CNTNAP2: variants seen among roughly 807,000 people sequenced by gnomAD.
CNTNAP2 encodes contactin associated protein 2.
A neutral mutation model predicts 155.2 loss-of-function variants in CNTNAP2; 98 were observed. The ratio of observed to expected loss-of-function variants is 0.63; its 90% CI spans 0.54 to 0.75. The LOEUF (loss-of-function observed/expected upper bound fraction) is 0.75, where lower values mean the gene tolerates loss of function less well. CNTNAP2 is among the 30% of genes least tolerant of loss of function. The pLI, the probability that CNTNAP2 is intolerant of heterozygous loss-of-function variation, is 0.00. For synonymous variants in CNTNAP2, 651 were observed against 631.2 expected, an observed-to-expected ratio of 1.03 and a Z score of -0.47; for missense variants, 1,727 against 1,688.1, an observed-to-expected ratio of 1.02 and a Z score of -0.40.
intron 2 of CNTNAP2, among the ~76,000 whole-genome samples, chr7:146,777,903 A>AT (rs71165038): frequency 5.7e-4 from 86 of 150,152 alleles, no homozygotes; most frequent in Admixed American, 1.3e-3. Flanking sequence ...GAGAAAAGAG[A>AT]TTTTTTTTTT....
chr7:148,099,421 TTGTGTGTGTGTGTGTGTGTGTGTG>T (rs35957905), intron 15 of CNTNAP2, among the ~76,000 whole-genome samples: 9 of 140,966 alleles, frequency 6.4e-5, no homozygotes, highest in Non-Finnish European at 1.4e-4. Flanking sequence ...AGCATTGCAA[TTGTGTGTGTGTGTGTGTGTGTGTG>T]TGTGTGTGTG....
intron 1 of CNTNAP2, among the ~76,000 whole-genome samples, chr7:146,401,205 A>G (rs1795709104): frequency 6.6e-6 from 1 of 152,200 alleles, no homozygotes; most frequent in South Asian, 2.1e-4. Context: ...CCGCTCAGCT[A>G]ACAGCTAGAA....
chr7:147,655,167 G>C (rs1185146715), intron 13 of CNTNAP2, among the ~76,000 whole-genome samples: 3 of 150,930 alleles, frequency 2.0e-5, no homozygotes, highest in Non-Finnish European at 4.4e-5. Flanking sequence ...CTGTCACCCA[G>C]GCTGGAGTGC....
chr7:148,114,531 A>G (rs1352951661), intron 15 of CNTNAP2, among the ~76,000 whole-genome samples: 1 of 152,208 alleles, frequency 6.6e-6, no homozygotes, highest in Admixed American at 6.5e-5. Context: ...GTATCAACAA[A>G]CAATAATAAC....
chr7:147,338,940 C>T (rs1795709763), intron 9 of CNTNAP2, among the ~76,000 whole-genome samples: 1 of 151,908 alleles, frequency 6.6e-6, no homozygotes. Context: ...TTTTCATGTA[C>T]CATTTACTTA....
intron 1 of CNTNAP2, among the ~76,000 whole-genome samples, chr7:146,466,391 G>A (rs1308297142): frequency 5.3e-5 from 8 of 152,104 alleles, no homozygotes; most frequent in Non-Finnish European, 1.0e-4. Flanking sequence ...ACACAATTTC[G>A]TTACAGCAGG....
At position 146,985,308 on chromosome 7, in the gene CNTNAP2, A is replaced by ATTTTTTTTTT. The variant is rs71165057; in HGVS notation, c.403-58579_403-58570dup. On this transcript the variant is annotated intron_variant, in intron 3 of 23. Transcript: ENST00000361727. ...CAAAGTGCTTGTGGAAAATGCTTGA[A>ATTTTTTTTTT]TTTTTTTTTTTTTTTTTTTTTTTTT... is the stretch of plus-strand genomic sequence containing the variant. 1.2e-4 allele frequency among the ~76,000 whole-genome samples: 15 copies of ATTTTTTTTTT among 127,848 alleles called. 1 individual carries two copies. The highest frequency in any genetic ancestry group is 4.1e-4 in the African/African-American group (13 of 32,014). The allele number at this position is 127,848 out of a possible 152,430, so 83.9% of individuals were successfully genotyped here. A position where few individuals can be genotyped will look rare whatever the true frequency, so the allele number is the denominator to read the frequency against.
At chr7:147,805,446 G>A (rs1162031634) in intron 13 of CNTNAP2, among the ~76,000 whole-genome samples, 1 of 152,168 alleles carries the variant, frequency 6.6e-6, no homozygotes, top group African/African-American at 2.4e-5. Context: ...CTCTGACTAG[G>A]ACTTTAAGTA....
intron 10 of CNTNAP2, among the ~76,000 whole-genome samples, chr7:147,415,451 G>A (rs1797176289): frequency 2.0e-5 from 3 of 152,298 alleles, no homozygotes; most frequent in Admixed American, 1.3e-4. Context: ...GTTCTTGATA[G>A]TGAGCTCTCA....
At chr7:146,134,405 CT>C (rs1797765510) in intron 1 of CNTNAP2, among the ~76,000 whole-genome samples, 1 of 124,568 alleles carries the variant, frequency 8.0e-6, no homozygotes, top group South Asian at 2.7e-4. Context: ...CCTTTATTTC[CT>C]TCTCCTGCCT....
At chr7:147,732,403 A>G (rs62480748) in intron 13 of CNTNAP2, among the ~76,000 whole-genome samples, 13 of 152,180 alleles carry the variant, frequency 8.5e-5, no homozygotes, top group Middle Eastern at 3.4e-3. Flanking sequence ...TCCATGGTGT[A>G]TATGTGCCAC....
intron 22 of CNTNAP2, among the ~76,000 whole-genome samples, chr7:148,388,154 A>ATTATT (rs1332875702): frequency 2.0e-5 from 3 of 152,044 alleles, no homozygotes; most frequent in African/African-American, 7.2e-5. Flanking sequence ...TTTTTGTTTT[A>ATTATT]TTATTATACT....
chr7:148,103,993 A>C (rs1419880364), intron 15 of CNTNAP2, among the ~76,000 whole-genome samples: 1 of 152,162 alleles, frequency 6.6e-6, no homozygotes, highest in African/African-American at 2.4e-5. Context: ...GGTATTTCAA[A>C]ATGCTTCTGT....
chr7:147,559,864 TTA>T (rs1491368468), intron 11 of CNTNAP2, among the ~76,000 whole-genome samples: 1,603 of 111,494 alleles, frequency 0.014, 32 homozygotes, highest in African/African-American at 0.05. Flanking sequence ...CTTGCCGATC[TTA>T]AAAAAAAAAA....
chr7:147,747,788 T>G (rs1449815570), intron 13 of CNTNAP2, among the ~76,000 whole-genome samples: 9 of 152,232 alleles, frequency 5.9e-5, no homozygotes, highest in Non-Finnish European at 1.3e-4. Context: ...TCTTGTGTGA[T>G]TGACAACTTA....
At chr7:146,613,387 C>G (rs959167944) in intron 1 of CNTNAP2, among the ~76,000 whole-genome samples, 1 of 152,142 alleles carries the variant, frequency 6.6e-6, no homozygotes, top group Non-Finnish European at 1.5e-5. Flanking sequence ...ATTTATTCAT[C>G]ATACATAACA....
intron 9 of CNTNAP2, among the ~76,000 whole-genome samples, chr7:147,378,903 C>A (rs1796486744): frequency 6.6e-6 from 1 of 151,962 alleles, no homozygotes; most frequent in South Asian, 2.1e-4. Flanking sequence ...CAAATCTCAT[C>A]TTGAATTGTA....
intron 9 of CNTNAP2, among the ~76,000 whole-genome samples, chr7:147,376,320 A>G (rs778946707): frequency 2.4e-4 from 37 of 152,070 alleles, no homozygotes; most frequent in South Asian, 6.2e-4. Context: ...ACAGGAGACT[A>G]TCATACAACT....
chr7:146,953,729 A>T (rs1294828993), intron 3 of CNTNAP2, among the ~76,000 whole-genome samples: 2 of 151,964 alleles, frequency 1.3e-5, no homozygotes, highest in East Asian at 3.9e-4. Context: ...TTTCTAGTAG[A>T]GTACCTGAGA....
Sources: gnomAD v4.1 joint callset for allele counts (sites outside exome capture counted in the v4.1 genomes callset) on GRCh38, gnomAD v4.1.1 for gene constraint, MANE v1.5 for transcripts, NCBI Gene and HGNC (gene_info 2026-07-23, HGNC 2026-07-21) for gene names.